The following TRAF3 variants were observed in gnomAD, a reference collection of about 807,000 sequenced individuals.
TRAF3 encodes TNF receptor-associated factor 3.
A neutral mutation model predicts 62.3 loss-of-function variants in TRAF3; 13 were observed. That is an observed-to-expected ratio of 0.21 (90% CI 0.14 to 0.33). The LOEUF is 0.33. TRAF3 is among the 10% of genes least tolerant of loss of function. The pLI, the probability that TRAF3 is intolerant of heterozygous loss-of-function variation, is 1.00. For synonymous variants in TRAF3, 269 were observed against 283.4 expected (o/e 0.95, Z 0.51); for missense variants, 440 against 741.8 (o/e 0.59, Z 4.73).
rs879495483 is a variant in TRAF3, at chr14:102,911,039, G to T, written c.*5255G>T. On this transcript the variant is annotated 3_prime_UTR_variant, in exon 12 of 12. Transcript: ENST00000392745. ...GATTCGCAGCCTCTTCTCTGCCGGT[G>T]CCTCTGTTCGGTTCTGTTACCCAAA... is the stretch of plus-strand genomic sequence containing the variant. 2.0e-5 allele frequency: 3 copies of T among 152,206 alleles called. No homozygotes were observed. Among genetic ancestry groups the T allele is most frequent in the Non-Finnish European group, 4.4e-5 (3 of 68,048 alleles). The allele number at this position is 152,206 out of a possible 1,614,324, so 9.4% of individuals were successfully genotyped here.
At chr14:102,882,856 T>C (rs1889149037) in intron 6 of TRAF3, among the ~76,000 whole-genome samples, 1 of 152,248 alleles carries the variant, frequency 6.6e-6, no homozygotes, top group Admixed American at 6.5e-5. Flanking sequence ...TTATTACTTT[T>C]TAAATTTATA....
chr14:102,874,690 G>T (rs1049376322), intron 4 of TRAF3, among the ~76,000 whole-genome samples: 3 of 148,116 alleles, frequency 2.0e-5, no homozygotes, highest in African/African-American at 7.6e-5. Context: ...TCCCACTGTC[G>T]CCCAGTCTGG....
At chr14:102,849,959 G>A (rs779213007) in intron 2 of TRAF3, among the ~76,000 whole-genome samples, 11 of 152,132 alleles carry the variant, frequency 7.2e-5, no homozygotes, top group Non-Finnish European at 1.0e-4. Context: ...GCTTTCTTGC[G>A]GCAGGAGCCT....
chr14:102,817,919 G>A (rs577770378), intron 1 of TRAF3, among the ~76,000 whole-genome samples: 2 of 152,302 alleles, frequency 1.3e-5, no homozygotes, highest in Admixed American at 6.5e-5. Context: ...AGCTTTTGCA[G>A]CTGCTCCAAA....
At chr14:102,831,649 T>C (rs1595341349) in intron 2 of TRAF3, among the ~76,000 whole-genome samples, 1 of 152,142 alleles carries the variant, frequency 6.6e-6, no homozygotes, top group South Asian at 2.1e-4. Context: ...ACCTTCTGTC[T>C]CCCAGCCCCA....
intron 9 of TRAF3, 137 bp downstream of exon 9, chr14:102,891,554 G>A (rs1459704982): frequency 6.3e-6 from 6 of 954,332 alleles, no homozygotes; most frequent in Non-Finnish European, 9.4e-6. Flanking sequence ...AACTCTGTGT[G>A]ATCTTGAGCT....
At chr14:102,902,957 C>A in intron 10 of TRAF3, 1 of 441,870 alleles carries the variant, frequency 2.3e-6, no homozygotes, top group East Asian at 4.8e-5. Flanking sequence ...TGTCACTTTG[C>A]TTTCCTGATG....
intron 1 of TRAF3, among the ~76,000 whole-genome samples, chr14:102,793,091 A>G (rs938816332): frequency 1.3e-5 from 2 of 151,960 alleles, no homozygotes; most frequent in African/African-American, 4.8e-5. Context: ...ATTTACAGGC[A>G]TGAGCCACTG....
At chr14:102,815,634 G>C (rs941227241) in intron 1 of TRAF3, among the ~76,000 whole-genome samples, 10 of 152,116 alleles carry the variant, frequency 6.6e-5, no homozygotes, top group Admixed American at 1.3e-4. Context: ...TTTGTTGAAG[G>C]GACTACTTGT....
chr14:102,780,095 G>C (rs999589261), intron 1 of TRAF3, among the ~76,000 whole-genome samples: 9 of 152,144 alleles, frequency 5.9e-5, no homozygotes, highest in African/African-American at 1.7e-4. Context: ...GAGAAAGAAG[G>C]AGGTGAGGCC....
chr14:102,857,634 A>G (rs1333243412), intron 2 of TRAF3, among the ~76,000 whole-genome samples: 1 of 152,222 alleles, frequency 6.6e-6, no homozygotes, highest in Non-Finnish European at 1.5e-5. Flanking sequence ...GGAAAGTGAC[A>G]TTCTTTACTA....
At chr14:102,848,290 G>T (rs1395716178) in intron 2 of TRAF3, among the ~76,000 whole-genome samples, 6 of 152,146 alleles carry the variant, frequency 3.9e-5, no homozygotes, top group Non-Finnish European at 7.4e-5. Flanking sequence ...TTAACTGGGG[G>T]TGGTGGTGTG....
chr14:102,886,215 C>T lies in TRAF3; in HGVS notation c.597C>T (p.Cys199=), dbSNP rs756602156. 8 of 1,611,786 alleles carry T rather than the reference C, an allele frequency of 5.0e-6. No individual in the cohort carries two copies. The highest frequency in any genetic ancestry group is 1.1e-5 in the South Asian group (1 of 91,034). Residue 199 remains cysteine (C), a synonymous_variant, in exon 7 of 12, where the codon TGC becomes TGT. Coordinates refer to ENST00000392745, the MANE Select transcript of TRAF3 (RefSeq NM_145725.3). ...AACACGAAGACACCGACTGTCCCTG[C>T]GTGGTGGTGTCCTGCCCTCACAAGT... ...LQKHEDTDCP[C]VVVSCPHKCS...
At chr14:102,857,926 C>T (rs1309698506) in intron 2 of TRAF3, among the ~76,000 whole-genome samples, 3 of 152,140 alleles carry the variant, frequency 2.0e-5, no homozygotes, top group Non-Finnish European at 4.4e-5. Flanking sequence ...AACAAATATG[C>T]TCCAAATTTT....
At chr14:102,883,536 C>T (rs557909366) in intron 6 of TRAF3, among the ~76,000 whole-genome samples, 25 of 152,054 alleles carry the variant, frequency 1.6e-4, no homozygotes, top group African/African-American at 6.0e-4. Context: ...TGCTCTTGGA[C>T]CTGGGTGTTG....
rs1900305303 is a variant in TRAF3, at chr14:102,826,262, G to T, written c.-156-4072G>T. On this transcript the variant is annotated intron_variant, in intron 1 of 11. Transcript: ENST00000392745. This position sits in a 1 kb window ranked among gnomAD's most constrained non-coding sequence, Gnocchi z 4.6. ...GTGCCTCAGCATCCTCGTCTGTCTG[G>T]TGGAGCCGCCTCACAGAGGAACAAG... is the stretch of plus-strand genomic sequence containing the variant. 6.6e-6 allele frequency among the ~76,000 whole-genome samples: 1 copy of T among 152,136 alleles called. No homozygotes were observed. Among genetic ancestry groups the T allele is most frequent in the South Asian group, 2.1e-4 (1 of 4,832 alleles).
chr14:102,899,003 G>T (rs1188117180), intron 10 of TRAF3, among the ~76,000 whole-genome samples: 1 of 152,208 alleles, frequency 6.6e-6, no homozygotes, highest in Non-Finnish European at 1.5e-5. Flanking sequence ...GAGGCTGGGC[G>T]TGGCGGAGAG....
At chr14:102,813,222 G>A (rs950349905) in intron 1 of TRAF3, among the ~76,000 whole-genome samples, 2 of 151,512 alleles carry the variant, frequency 1.3e-5, no homozygotes, top group Non-Finnish European at 2.9e-5. Flanking sequence ...TAATCCGCCC[G>A]CCTCAGCCTC....
intron 1 of TRAF3, among the ~76,000 whole-genome samples, chr14:102,821,601 A>G (rs1403574724): frequency 6.6e-6 from 1 of 152,200 alleles, no homozygotes; most frequent in African/African-American, 2.4e-5. Context: ...ACCTGGTGGC[A>G]TTATCTTTGC....
Sources: gnomAD v4.1 joint callset for allele counts (sites outside exome capture counted in the v4.1 genomes callset) on GRCh38, gnomAD v4.1.1 for gene constraint, Gnocchi (gnomAD v3.1) non-coding constraint, MANE v1.5 for transcripts, NCBI Gene and HGNC (gene_info 2026-07-23, HGNC 2026-07-21) for gene names.